Variants in AK9 observed in about 807,000 individuals in gnomAD.
The protein encoded by AK9 is adenylate kinase 9, also known as adenylate kinase domain containing 1.
AK9 carries 191 observed loss-of-function variants against 239.6 expected under a neutral mutation model. The observed-to-expected ratio is 0.80, with a 90% confidence interval of 0.71 to 0.90. AK9 has a LOEUF of 0.90. Ranked by LOEUF, AK9 falls within the 40% of genes least tolerant of loss-of-function variation. The probability of loss-of-function intolerance (pLI) is 0.00; values close to 1 mark genes in which losing one functional copy is unlikely to be tolerated. For missense variants in AK9, 1,995 were observed against 2,214.7 expected, an observed-to-expected ratio of 0.90 and a Z score of 1.99; for synonymous variants, 689 against 721.0, an observed-to-expected ratio of 0.96 and a Z score of 0.71.
chr6:109,653,516 G>A lies in AK9; in HGVS notation c.759+3240C>T, dbSNP rs926840858. Among the ~76,000 whole-genome samples, 9 of 152,146 alleles carry A rather than the reference G, an allele frequency of 5.9e-5. No homozygotes were observed. In the East Asian group the frequency reaches 7.7e-4, roughly 13 times the overall value. On this transcript the variant is annotated intron_variant, in intron 8 of 40. Coordinates refer to ENST00000424296, the MANE Select transcript of AK9 (RefSeq NM_001145128.3). ...ATTGTTTCCTTTCTCTGACATTCACGGAAAGTTTTTAACCCTTATCTGGCA... is the reference window on the plus strand; with the variant it reads ...ATTGTTTCCTTTCTCTGACATTCACAGAAAGTTTTTAACCCTTATCTGGCA...
At chr6:109,652,141 T>A (rs1202583893) in intron 8 of AK9, among the ~76,000 whole-genome samples, 3 of 152,220 alleles carry the variant, frequency 2.0e-5, no homozygotes, top group African/African-American at 7.2e-5. Flanking sequence ...TGAACATCGA[T>A]GCAAAAATCC....
chr6:109,654,469 T>C (rs1562560935), intron 8 of AK9, among the ~76,000 whole-genome samples: 1 of 152,154 alleles, frequency 6.6e-6, no homozygotes, highest in East Asian at 1.9e-4. Context: ...GTAGCTGGGA[T>C]TACAGGTGTG....
chr6:109,628,167 C>A (rs980438152), intron 12 of AK9, among the ~76,000 whole-genome samples: 5 of 152,254 alleles, frequency 3.3e-5, no homozygotes, highest in African/African-American at 1.2e-4. Flanking sequence ...GTAATAAGGC[C>A]TCTCCTTTGC....
intron 28 of AK9, 38 bp downstream of exon 28, chr6:109,533,213 G>T: frequency 1.3e-6 from 2 of 1,493,074 alleles, no homozygotes; most frequent in South Asian, 2.6e-5. Context: ...AACAGATGCT[G>T]AACAGATTTA....
At chr6:109,535,534 A>C (rs1207985752) in intron 27 of AK9, among the ~76,000 whole-genome samples, 1 of 152,008 alleles carries the variant, frequency 6.6e-6, no homozygotes, top group Non-Finnish European at 1.5e-5. Flanking sequence ...AGATTGGAAA[A>C]ATTTTCTCCC....
intron 9 of AK9, among the ~76,000 whole-genome samples, chr6:109,642,684 G>T (rs1192555082): frequency 6.6e-6 from 1 of 152,120 alleles, no homozygotes; most frequent in Non-Finnish European, 1.5e-5. Context: ...GCTGGTGAAT[G>T]GGATGTGGGA....
At chr6:109,628,250 C>T (rs1795762366) in intron 12 of AK9, among the ~76,000 whole-genome samples, 1 of 152,194 alleles carries the variant, frequency 6.6e-6, no homozygotes, top group Non-Finnish European at 1.5e-5. Context: ...CCTGTAGGAG[C>T]CATCCTTTGA....
At chr6:109,520,474 C>T (rs955556758) in intron 29 of AK9, among the ~76,000 whole-genome samples, 2 of 151,898 alleles carry the variant, frequency 1.3e-5, no homozygotes, top group African/African-American at 4.8e-5. Context: ...TTCCATTGGT[C>T]TATGTGTCTG....
At chr6:109,638,864 A>G (rs1437567975) in intron 10 of AK9, among the ~76,000 whole-genome samples, 1 of 151,852 alleles carries the variant, frequency 6.6e-6, no homozygotes, top group African/African-American at 2.4e-5. Flanking sequence ...AAATGTTCTC[A>G]TTGTTCAATT....
intron 5 of AK9, among the ~76,000 whole-genome samples, chr6:109,663,343 A>G (rs927244863): frequency 6.6e-6 from 1 of 152,244 alleles, no homozygotes; most frequent in African/African-American, 2.4e-5. Context: ...AGTGGGAATT[A>G]AAAGCTTTCA....
intron 5 of AK9, among the ~76,000 whole-genome samples, chr6:109,664,931 T>C (rs1800970630): frequency 6.7e-6 from 1 of 149,526 alleles, no homozygotes; most frequent in South Asian, 2.1e-4. Flanking sequence ...TCCCAGCTAC[T>C]CGGGAGGCTG....
chr6:109,600,188 C>T (rs1791712779), intron 17 of AK9, among the ~76,000 whole-genome samples: 2 of 152,258 alleles, frequency 1.3e-5, no homozygotes, highest in South Asian at 4.1e-4. Context: ...AGTTTTTGCC[C>T]ATTCAGTATG....
chr6:109,541,811 TA>T (rs1161265999), intron 27 of AK9, among the ~76,000 whole-genome samples: 1 of 152,206 alleles, frequency 6.6e-6, no homozygotes, highest in African/African-American at 2.4e-5. Flanking sequence ...TACTGAAAAA[TA>T]TCCCAGGCTC....
In AK9 at chr6:109,514,397, T is replaced by C. The variant is rs377231883; in HGVS notation, c.4106A>G (p.Glu1369Gly). 239 of 1,549,888 alleles carry C rather than the reference T, an allele frequency of 1.5e-4. No homozygotes were observed. Among genetic ancestry groups the C allele is most frequent in the Non-Finnish European group, 2.0e-4 (226 of 1,146,722 alleles). The stretch of plus-strand genomic sequence containing the variant: ...ATGGATTACAGGATAAATTGGATTC[T>C]CTGCATTTTCAACTGGCTTGATTGT... Reference protein sequence around the residue: ...GETIKPVENAENPIYPVIHRQ... With the variant: ...GETIKPVENAGNPIYPVIHRQ... The change falls in exon 32 of 41, where the codon GAG (glutamate) becomes GGG (glycine). Residue 1369 changes from glutamate (E) to glycine (G), a missense_variant. Transcript: ENST00000424296.
intron 17 of AK9, among the ~76,000 whole-genome samples, chr6:109,607,509 T>A (rs890829009): frequency 6.6e-6 from 1 of 152,142 alleles, no homozygotes; most frequent in Non-Finnish European, 1.5e-5. Context: ...TAAAAATGAT[T>A]TAAAGTATAT....
rs1188601863 is a variant in AK9 at position 109,564,278 on chromosome 6, C to A, written c.2437G>T (p.Val813Leu). The A allele has an allele frequency of 3.9e-6, 6 of 1,544,104 alleles. No individual in the cohort carries two copies. In the African/African-American group the frequency reaches 8.3e-5, roughly 21 times the overall value. ...GAGTCTTCTGGAAACTCAGGTAGTA[C>A]AACTTTGGAGTAAAAGACAAAGGAA... Reference protein sequence around the residue: ...LEIEKLSETVVLPEFPEDSYP... With the variant: ...LEIEKLSETVLLPEFPEDSYP... The change falls in exon 23 of 41, where the codon GTA (valine) becomes TTA (leucine). Residue 813 changes from valine (V) to leucine (L), a missense_variant and splice_region_variant. Val to Leu is a conservative substitution (Grantham distance 32). Coordinates refer to ENST00000424296, the MANE Select transcript of AK9 (RefSeq NM_001145128.3).
intron 12 of AK9, among the ~76,000 whole-genome samples, chr6:109,629,138 C>T (rs1000635481): frequency 6.6e-6 from 1 of 152,034 alleles, no homozygotes; most frequent in Admixed American, 6.6e-5. Flanking sequence ...GAGAAAAGGT[C>T]TCACCATTTT....
chr6:109,594,786 T>C (rs1326285909), intron 17 of AK9, among the ~76,000 whole-genome samples: 1 of 152,092 alleles, frequency 6.6e-6, no homozygotes, highest in East Asian at 1.9e-4. Context: ...ATAAACGCTG[T>C]TGGGAAAACT....
chr6:109,593,127 T>C (rs1223944619), intron 17 of AK9, among the ~76,000 whole-genome samples: 1 of 152,090 alleles, frequency 6.6e-6, no homozygotes, highest in East Asian at 1.9e-4. Flanking sequence ...TGAGATTGTT[T>C]CTTCTGCTTG....
Sources: gnomAD v4.1 joint callset for allele counts (sites outside exome capture counted in the v4.1 genomes callset) on GRCh38, gnomAD v4.1.1 for gene constraint, MANE v1.5 for transcripts, NCBI Gene and HGNC (gene_info 2026-07-23, HGNC 2026-07-21) for gene names.